The following MAP1LC3B2 variants were observed in gnomAD, a reference collection of about 807,000 sequenced individuals.
MAP1LC3B2 encodes microtubule associated protein 1 light chain 3 beta 2.
For synonymous variants in MAP1LC3B2, 62 were observed against 57.8 expected (o/e 1.07, Z -0.33); for missense variants, 155 against 154.6 (o/e 1.00, Z -0.01).
At chr12:116,560,822 A>T (rs543335701) in intron 1 of MAP1LC3B2, among the ~76,000 whole-genome samples, 327 of 13,438 alleles carry the variant, frequency 0.024, 1 homozygote, top group Middle Eastern at 0.079. Flanking sequence ...CAAATAGTTT[A>T]AAAAAAAAAA....
intron 1 of MAP1LC3B2, among the ~76,000 whole-genome samples, chr12:116,566,247 C>A (rs1869382933): frequency 6.6e-6 from 1 of 152,164 alleles, no homozygotes; most frequent in South Asian, 2.1e-4. Flanking sequence ...TTCTTCTTTT[C>A]CCACTACTCA....
chr12:116,560,894 G>C lies in MAP1LC3B2; in HGVS notation c.-102+1461G>C, dbSNP rs1032761037. Among the ~76,000 whole-genome samples the C allele has an allele frequency of 5.3e-5, 8 of 151,018 alleles. 1 individual carries two copies. The highest frequency in any genetic ancestry group is 1.9e-4 in the African/African-American group (8 of 41,126). On this transcript the variant is annotated intron_variant, in intron 1 of 1. Coordinates refer to ENST00000556529, the MANE Select transcript of MAP1LC3B2 (RefSeq NM_001085481.3). ...CACCTTGGGAGTCCAAGGTGGGCAG[G>C]TCACTTGAGGCCAGGAGTTCAAGAC...
intron 1 of MAP1LC3B2, among the ~76,000 whole-genome samples, chr12:116,574,274 G>A (rs1869614780): frequency 6.6e-6 from 1 of 151,178 alleles, no homozygotes; most frequent in East Asian, 1.9e-4. Flanking sequence ...GAAGCAGTCT[G>A]AATGTACATT....
At chr12:116,560,188 C>CTATATGTA (rs1869217282) in intron 1 of MAP1LC3B2, 1 of 88,444 alleles carries the variant, frequency 1.1e-5, no homozygotes, top group South Asian at 3.6e-4. Flanking sequence ...CTAAGTTTGG[C>CTATATGTA]TATATATATA....
In MAP1LC3B2 at chr12:116,576,434, A is replaced by G; in HGVS notation, c.*114A>G. 1.4e-6 allele frequency: 2 copies of G among 1,468,366 alleles called. No individual in the cohort carries two copies. The highest frequency in any genetic ancestry group is 4.4e-5 in the Admixed American group (2 of 45,042). 91.0% of individuals were successfully genotyped at this position (1,468,366 alleles called of 1,614,324 possible). A position where few individuals can be genotyped will look rare whatever the true frequency, so the allele number is the denominator to read the frequency against. The stretch of plus-strand genomic sequence containing the variant: ...ATCTAATCACAGATCATCAAACAGT[A>G]GTGTTCCCACCTAGGAGTGTTAGGA... On this transcript the variant is annotated 3_prime_UTR_variant, in exon 2 of 2. Coordinates refer to ENST00000556529, the MANE Select transcript of MAP1LC3B2 (RefSeq NM_001085481.3).
chr12:116,575,449 G>C (rs979074273), intron 1 of MAP1LC3B2, among the ~76,000 whole-genome samples: 1 of 152,232 alleles, frequency 6.6e-6, no homozygotes, highest in South Asian at 2.1e-4. Context: ...CAAATGATCA[G>C]TATCTTTAAA....
At chr12:116,571,426 G>A (rs1340420046) in intron 1 of MAP1LC3B2, among the ~76,000 whole-genome samples, 3 of 138,266 alleles carry the variant, frequency 2.2e-5, no homozygotes, top group Non-Finnish European at 3.0e-5. Context: ...TTTCCTTCTC[G>A]TGAGAATAGA....
intron 1 of MAP1LC3B2, among the ~76,000 whole-genome samples, chr12:116,560,871 C>T (rs1247800265): frequency 1.3e-5 from 2 of 150,556 alleles, no homozygotes; most frequent in African/African-American, 4.9e-5. Context: ...AATCCCAGCA[C>T]CTTGGGAGTC....
rs139295036 is a variant in MAP1LC3B2, at chr12:116,575,899, C to T, written c.-44C>T. The T allele has an allele frequency of 1.6e-4, 255 of 1,612,488 alleles. 1 individual carries two copies. In the East Asian group the frequency reaches 5.3e-3, roughly 34 times the overall value. ...AGCAGCCGCCACCCCCAGGAGCCGC[C>T]GGGACCCTCGCGTCGTCGCCGCCGC... is the stretch of plus-strand genomic sequence containing the variant. On this transcript the variant is annotated 5_prime_UTR_variant, in exon 2 of 2. Coordinates refer to ENST00000556529, the MANE Select transcript of MAP1LC3B2 (RefSeq NM_001085481.3).
intron 1 of MAP1LC3B2, among the ~76,000 whole-genome samples, chr12:116,573,522 C>T (rs1869594256): frequency 6.6e-6 from 1 of 151,828 alleles, no homozygotes; most frequent in African/African-American, 2.4e-5. Context: ...TTTTCTTTTT[C>T]TTTTATTATT....
rs994590989 is a variant in MAP1LC3B2, at chr12:116,571,428, G to C, written c.-101-4414G>C. On this transcript the variant is annotated intron_variant, in intron 1 of 1. Transcript: ENST00000556529. The stretch of plus-strand genomic sequence containing the variant: ...CATGAAATGAATTTTTCCTTCTCGT[G>C]AGAATAGATGGGAGTAAGGGACTGC... Among the ~76,000 whole-genome samples, 4 of 137,214 alleles carry C rather than the reference G, an allele frequency of 2.9e-5. No individual in the cohort carries two copies. In the East Asian group the frequency reaches 7.5e-4, roughly 26 times the overall value. The allele number at this position is 137,214 out of a possible 152,430, so 90.0% of individuals were successfully genotyped here.
intron 1 of MAP1LC3B2, 50 bp from the exon 2 acceptor site, chr12:116,575,792 T>C: frequency 1.2e-6 from 1 of 806,996 alleles, no homozygotes; most frequent in Non-Finnish European, 2.0e-6. Flanking sequence ...CTGTAACATA[T>C]ACAGTTTCTG....
chr12:116,560,395 C>A (rs1041084617), intron 1 of MAP1LC3B2, among the ~76,000 whole-genome samples: 2 of 151,570 alleles, frequency 1.3e-5, no homozygotes, highest in African/African-American at 4.8e-5. Context: ...ATTACAGGTG[C>A]GCCACCACGC....
chr12:116,572,552 G>A (rs1869564140), intron 1 of MAP1LC3B2, among the ~76,000 whole-genome samples: 1 of 152,028 alleles, frequency 6.6e-6, no homozygotes, highest in African/African-American at 2.4e-5. Flanking sequence ...TTTTAGTAGA[G>A]ACAGGGTTTC....
chr12:116,570,072 A>ATAAAT (rs1291304303), intron 1 of MAP1LC3B2, among the ~76,000 whole-genome samples: 5 of 152,114 alleles, frequency 3.3e-5, no homozygotes, highest in African/African-American at 1.2e-4. Flanking sequence ...ATAAAATAAA[A>ATAAAT]TAAAATCACT....
At chr12:116,563,486 T>C (rs1869318602) in intron 1 of MAP1LC3B2, among the ~76,000 whole-genome samples, 1 of 152,230 alleles carries the variant, frequency 6.6e-6, no homozygotes, top group African/African-American at 2.4e-5. Context: ...ATAATTCTTA[T>C]CTTGGTTCTT....
chr12:116,559,465 G>A (rs1282030675), intron 1 of MAP1LC3B2, 32 bp downstream of exon 1: 1 of 152,298 alleles, frequency 6.6e-6, no homozygotes, highest in Non-Finnish European at 1.5e-5. Context: ...CCAGCCCCAG[G>A]GTGGAAATCA....
At chr12:116,569,852 G>A (rs539706191) in intron 1 of MAP1LC3B2, among the ~76,000 whole-genome samples, 90 of 152,148 alleles carry the variant, frequency 5.9e-4, no homozygotes, top group African/African-American at 2.1e-3. Flanking sequence ...TCAAGAGATC[G>A]AGACCATCCT....
intron 1 of MAP1LC3B2, among the ~76,000 whole-genome samples, chr12:116,566,018 C>T (rs773154557): frequency 5.9e-5 from 9 of 152,192 alleles, no homozygotes; most frequent in Non-Finnish European, 4.4e-5. Context: ...CCCTCCAACA[C>T]AGACAGACTT....
Sources: gnomAD v4.1 joint callset for allele counts (sites outside exome capture counted in the v4.1 genomes callset) on GRCh38, gnomAD v4.1.1 for gene constraint, MANE v1.5 for transcripts, NCBI Gene and HGNC (gene_info 2026-07-23, HGNC 2026-07-21) for gene names.